KCNH7: variants seen among roughly 807,000 people sequenced by gnomAD.
The protein encoded by KCNH7 is potassium voltage-gated channel subfamily H member 7.
Under a neutral mutation model 120.8 loss-of-function variants are expected in KCNH7, and 49 were observed. The observed-to-expected ratio is 0.41, with a 90% CI of 0.32 to 0.51. The LOEUF is 0.51. Among genes scored for constraint, KCNH7 ranks in the 20% least tolerant of loss-of-function variants. KCNH7 has a pLI of 0.38. For missense variants in KCNH7, 1,097 were observed against 1,446.6 expected (o/e 0.76, Z 3.92); for synonymous variants, 547 against 516.1 (o/e 1.06, Z -0.81).
chr2:162,572,073 G>A (rs1693499323), intron 2 of KCNH7, among the ~76,000 whole-genome samples: 1 of 151,960 alleles, frequency 6.6e-6, no homozygotes, highest in Non-Finnish European at 1.5e-5. Context: ...AAGAGCTTCT[G>A]CACAGCAAAA....
At chr2:162,700,608 T>C (rs935256156) in intron 2 of KCNH7, among the ~76,000 whole-genome samples, 1 of 152,184 alleles carries the variant, frequency 6.6e-6, no homozygotes, top group Non-Finnish European at 1.5e-5. Context: ...TCTCTTCTTT[T>C]AAAAAAATCC....
intron 2 of KCNH7, among the ~76,000 whole-genome samples, chr2:162,654,400 CCAA>C (rs1359134927): frequency 1.3e-5 from 2 of 149,790 alleles, no homozygotes; most frequent in African/African-American, 4.9e-5. Flanking sequence ...GAAAAAATGT[CCAA>C]CATCACTAAT....
At chr2:162,462,433 T>C (rs548887288) in intron 6 of KCNH7, among the ~76,000 whole-genome samples, 1 of 151,996 alleles carries the variant, frequency 6.6e-6, no homozygotes, top group South Asian at 2.1e-4. Flanking sequence ...AAGTTAAAAA[T>C]CCCTAACATA....
chr2:162,577,329 CT>C (rs1415628069), intron 2 of KCNH7, among the ~76,000 whole-genome samples: 61 of 119,308 alleles, frequency 5.1e-4, no homozygotes, highest in African/African-American at 1.7e-3. Flanking sequence ...ATCTATCTAT[CT>C]GTCTATCATC....
intron 2 of KCNH7, among the ~76,000 whole-genome samples, chr2:162,610,759 CCTCT>C (rs1682936540): frequency 6.6e-6 from 1 of 152,084 alleles, no homozygotes; most frequent in South Asian, 2.1e-4. Context: ...TTCTTTTTCA[CCTCT>C]CTAAGTACTG....
At chr2:162,488,429 T>C (rs1200396739) in intron 6 of KCNH7, among the ~76,000 whole-genome samples, 1 of 152,130 alleles carries the variant, frequency 6.6e-6, no homozygotes, top group Non-Finnish European at 1.5e-5. Flanking sequence ...AAAAACTCCT[T>C]ATCTGAGGAA....
chr2:162,812,377 A>G (rs536094350), intron 2 of KCNH7, among the ~76,000 whole-genome samples: 4 of 152,130 alleles, frequency 2.6e-5, no homozygotes, highest in Admixed American at 1.3e-4. Context: ...AGGCTAGTGC[A>G]GTAATCTAGT....
intron 2 of KCNH7, among the ~76,000 whole-genome samples, chr2:162,805,822 G>T (rs1366832795): frequency 6.6e-6 from 1 of 152,032 alleles, no homozygotes; most frequent in Non-Finnish European, 1.5e-5. Flanking sequence ...CAAAGATATG[G>T]AACCAAGTTC....
At chr2:162,652,766 C>G (rs1684611765) in intron 2 of KCNH7, among the ~76,000 whole-genome samples, 1 of 152,124 alleles carries the variant, frequency 6.6e-6, no homozygotes, top group African/African-American at 2.4e-5. Flanking sequence ...ACTTTAGATA[C>G]TTTATAAACA....
At chr2:162,786,471 G>C (rs961284525) in intron 2 of KCNH7, among the ~76,000 whole-genome samples, 1 of 152,074 alleles carries the variant, frequency 6.6e-6, no homozygotes, top group African/African-American at 2.4e-5. Context: ...ATTGGACCCT[G>C]GGAATGCGAC....
intron 9 of KCNH7, among the ~76,000 whole-genome samples, chr2:162,413,002 T>C (rs538110392): frequency 6.6e-6 from 1 of 152,248 alleles, no homozygotes; most frequent in Admixed American, 6.5e-5. Context: ...ATTTAAAAAG[T>C]CATATATTTT....
At chr2:162,480,914 T>C (rs1689909487) in intron 6 of KCNH7, among the ~76,000 whole-genome samples, 1 of 152,154 alleles carries the variant, frequency 6.6e-6, no homozygotes, top group South Asian at 2.1e-4. Context: ...CACAGTTGCC[T>C]CTGGGACTTT....
chr2:162,818,628 C>T (rs1463691603), intron 2 of KCNH7, among the ~76,000 whole-genome samples: 1 of 152,030 alleles, frequency 6.6e-6, no homozygotes, highest in Non-Finnish European at 1.5e-5. Context: ...GTAAAGATTG[C>T]AGATCAATTT....
At chr2:162,544,969 C>T (rs1229775011) in intron 2 of KCNH7, among the ~76,000 whole-genome samples, 1 of 152,128 alleles carries the variant, frequency 6.6e-6, no homozygotes, top group Non-Finnish European at 1.5e-5. Context: ...TTATTAACAA[C>T]CATATAATTA....
chr2:162,766,900 CACACATAA>C (rs1482897603), intron 2 of KCNH7, among the ~76,000 whole-genome samples: 449 of 144,490 alleles, frequency 3.1e-3, no homozygotes, highest in African/African-American at 0.012. Flanking sequence ...CACACACACA[CACACATAA>C]ACACACATCA....
chr2:162,592,743 T>C (rs1256487843), intron 2 of KCNH7, among the ~76,000 whole-genome samples: 2 of 152,120 alleles, frequency 1.3e-5, no homozygotes, highest in Non-Finnish European at 2.9e-5. Context: ...TTTTTATTTA[T>C]GACTCCTATT....
intron 2 of KCNH7, among the ~76,000 whole-genome samples, chr2:162,647,636 C>T (rs1684413199): frequency 6.6e-6 from 1 of 152,120 alleles, no homozygotes; most frequent in Admixed American, 6.6e-5. Flanking sequence ...TGAAAGTTCC[C>T]TAACACGAGC....
chr2:162,807,103 AAAAAAC>A (rs951380518), intron 2 of KCNH7, among the ~76,000 whole-genome samples: 3 of 151,654 alleles, frequency 2.0e-5, no homozygotes, highest in African/African-American at 7.3e-5. Context: ...ACTCTTTTGC[AAAAAAC>A]AAAAACAAAC....
intron 2 of KCNH7, among the ~76,000 whole-genome samples, chr2:162,746,523 C>T (rs1402878201): frequency 3.3e-5 from 5 of 152,082 alleles, no homozygotes; most frequent in Non-Finnish European, 5.9e-5. Flanking sequence ...ACTCATCTCA[C>T]ACTGCCAGAC....
Sources: gnomAD v4.1 joint callset for allele counts (sites outside exome capture counted in the v4.1 genomes callset) on GRCh38, gnomAD v4.1.1 for gene constraint, MANE v1.5 for transcripts, NCBI Gene and HGNC (gene_info 2026-07-23, HGNC 2026-07-21) for gene names.